The following DNAH5 variants were observed in gnomAD, a reference collection of about 807,000 sequenced individuals.
DNAH5 encodes the protein axonemal beta dynein heavy chain 5.
In DNAH5, 372 loss-of-function variants were observed where a neutral mutation model predicts 518.2. The ratio of observed to expected loss-of-function variants is 0.72; its 90% confidence interval spans 0.66 to 0.78. DNAH5 has a LOEUF of 0.78. DNAH5 is among the 30% of genes least tolerant of loss of function. The pLI, the probability that DNAH5 is intolerant of heterozygous loss-of-function variation, is 0.00. For missense variants in DNAH5, 5,523 were observed against 5,687.0 expected (o/e 0.97, Z 0.93); for synonymous variants, 2,039 against 2,025.9 (o/e 1.01, Z -0.17).
At chr5:13,719,190 A>T (rs1744717546) in intron 71 of DNAH5, 89 bp from the exon 72 acceptor site, 5 of 1,062,082 alleles carry the variant, frequency 4.7e-6, no homozygotes, top group Non-Finnish European at 7.1e-6. Flanking sequence ...AGTAATTAAA[A>T]TTTAATAGGA....
chr5:13,872,595 T>C (rs1437596720), intron 22 of DNAH5, among the ~76,000 whole-genome samples: 1 of 152,226 alleles, frequency 6.6e-6, no homozygotes, highest in African/African-American at 2.4e-5. Context: ...TAAATTTATT[T>C]GTAAATCAAC....
chr5:13,875,872 T>G (rs907383686), intron 22 of DNAH5, among the ~76,000 whole-genome samples: 1 of 152,196 alleles, frequency 6.6e-6, no homozygotes, highest in Non-Finnish European at 1.5e-5. Context: ...TAATAATATT[T>G]CCTCACATTG....
intron 3 of DNAH5, among the ~76,000 whole-genome samples, chr5:13,926,791 C>G (rs1280255850): frequency 6.6e-6 from 1 of 152,190 alleles, no homozygotes; most frequent in Non-Finnish European, 1.5e-5. Context: ...ACGCAGAAGG[C>G]CAGTTTCATC....
chr5:13,771,249 C>T (rs942707841), intron 55 of DNAH5: 1 of 456,728 alleles, frequency 2.2e-6, no homozygotes, highest in African/African-American at 2.0e-5. Context: ...CTCTTCTACA[C>T]AGCTGCAGGT....
At position 13,753,320 on chromosome 5, in the gene DNAH5, C is replaced by T. The variant is rs144055129; in HGVS notation, c.10785G>A (p.Thr3595=). Residue 3595 remains threonine, a synonymous_variant, in exon 63 of 79, where the codon ACG becomes ACA. Transcript: ENST00000265104. The part of the protein sequence containing the change: ...DLSIQNGIIV[T]KASRYPLLID... The stretch of plus-strand genomic sequence containing the variant: ...TTAACAAAGGGTAACGAGATGCCTT[C>T]GTGACAATAATTCCATTTTGAATGG... 9.3e-6 allele frequency: 15 copies of T among 1,613,746 alleles called. No individual in the cohort carries two copies. The African/African-American group carries it at 1.2e-4, about 13-fold the overall frequency.
intron 52 of DNAH5, among the ~76,000 whole-genome samples, chr5:13,785,430 G>A (rs896612321): frequency 6.6e-6 from 1 of 152,026 alleles, no homozygotes; most frequent in African/African-American, 2.4e-5. Flanking sequence ...CTTTCATGGT[G>A]GATTTCATTC....
intron 1 of DNAH5, among the ~76,000 whole-genome samples, chr5:13,978,015 C>T (rs1256584188): frequency 6.6e-6 from 1 of 152,194 alleles, no homozygotes; most frequent in South Asian, 2.1e-4. Context: ...CCATGGGGGA[C>T]TCTGTGAGAG....
At chr5:13,910,907 G>C (rs1367294867) in intron 12 of DNAH5, among the ~76,000 whole-genome samples, 1 of 152,200 alleles carries the variant, frequency 6.6e-6, no homozygotes, top group Non-Finnish European at 1.5e-5. Context: ...GTGAAAGAAG[G>C]AAGAGAAAGG....
intron 12 of DNAH5, among the ~76,000 whole-genome samples, chr5:13,907,474 A>G (rs1396807145): frequency 6.6e-6 from 1 of 152,174 alleles, no homozygotes; most frequent in East Asian, 1.9e-4. Flanking sequence ...AAGGGGGAAT[A>G]TGGTAATGAT....
chr5:13,968,871 A>G (rs372929633), intron 1 of DNAH5, among the ~76,000 whole-genome samples: 22 of 152,274 alleles, frequency 1.4e-4, no homozygotes, highest in African/African-American at 5.1e-4. Flanking sequence ...ATCTTTTGAA[A>G]TAGTGTCGAT....
chr5:13,751,160 C>CT lies in DNAH5; in HGVS notation c.11128_11129insA (p.Arg3710GlnfsTer6). ...GACAGTGAAGTCAATGATGGAGGTA[C>CT]GGGCACTTATCTCAGGGGTGTAGGC... On this transcript the variant is annotated frameshift_variant, in exon 65 of 79. Transcript: ENST00000265104. LOFTEE classifies it high-confidence loss of function. 6.2e-7 allele frequency: 1 copy of CT among 1,613,920 alleles called. No homozygotes were observed. The highest frequency in any genetic ancestry group is 8.5e-7 in the Non-Finnish European group (1 of 1,179,906).
In DNAH5 at chr5:13,802,691, A is replaced by C. The variant is rs544205335; in HGVS notation, c.7887+4900T>G. On this transcript the variant is annotated intron_variant, in intron 47 of 78. Transcript: ENST00000265104. ...CAGCTGAGGCGACGGTGCATTGCCT[A>C]GTTCTTAGGTACAACATTCACGCAA... is the stretch of plus-strand genomic sequence containing the variant. 6.6e-5 allele frequency among the ~76,000 whole-genome samples: 10 copies of C among 152,312 alleles called. No homozygotes were observed. The South Asian group carries it at 2.1e-3, about 32-fold the overall frequency.
chr5:13,806,528 C>T (rs574231098), intron 47 of DNAH5, among the ~76,000 whole-genome samples: 34 of 152,188 alleles, frequency 2.2e-4, no homozygotes, highest in Non-Finnish European at 3.8e-4. Flanking sequence ...ATTCCAACAG[C>T]TAAAGAACAA....
At chr5:13,731,894 G>A (rs1746609114) in intron 68 of DNAH5, among the ~76,000 whole-genome samples, 1 of 152,170 alleles carries the variant, frequency 6.6e-6, no homozygotes, top group South Asian at 2.1e-4. Context: ...AGGACTTTGG[G>A]AGGAAAAGGC....
intron 70 of DNAH5, among the ~76,000 whole-genome samples, chr5:13,725,990 G>A (rs1453404148): frequency 6.6e-6 from 1 of 152,144 alleles, no homozygotes; most frequent in Non-Finnish European, 1.5e-5. Context: ...TACCTCTCAG[G>A]AGACACACTC....
chr5:13,791,994 ATTTGGTTC>A lies in DNAH5; in HGVS notation c.8440_8447del (p.Glu2814Ter), dbSNP rs755136231. ...TTTTTCTTTCTTCAGTGTCACTTAC[ATTTGGTTC>A]CTTGATGACCTCTGAAGTAGTGTTC... On this transcript the variant is annotated frameshift_variant and splice_region_variant, in exon 50 of 79. Transcript: ENST00000265104. LOFTEE classifies it high-confidence loss of function. The A allele has an allele frequency of 1.7e-5, 27 of 1,612,068 alleles. No individual in the cohort carries two copies. The highest frequency in any genetic ancestry group is 2.1e-5 in the Non-Finnish European group (25 of 1,178,418).
chr5:13,719,891 T>TCA (rs1744812279), intron 71 of DNAH5, among the ~76,000 whole-genome samples: 1 of 152,162 alleles, frequency 6.6e-6, no homozygotes, highest in Admixed American at 6.5e-5. Flanking sequence ...GCCATATATT[T>TCA]TGCCTGAATT....
In DNAH5 at chr5:13,720,542, CCAGTT is replaced by C. The variant is rs145625592; in HGVS notation, c.12279+453_12279+457del. 6.8e-3 allele frequency among the ~76,000 whole-genome samples: 1,031 copies of C among 152,268 alleles called. 8 individuals carry two copies. The highest frequency in any genetic ancestry group is 0.024 in the African/African-American group (995 of 41,558). ...GGCCCACAGGCACAGGCCACCACGT[CCAGTT>C]AATTTTTTTTTGTAAAGATGGGGTC... is the stretch of plus-strand genomic sequence containing the variant. On this transcript the variant is annotated intron_variant, in intron 71 of 78. Coordinates refer to ENST00000265104, the MANE Select transcript of DNAH5 (RefSeq NM_001369.3).
At chr5:13,944,016 T>C (rs1347262332) in intron 1 of DNAH5, among the ~76,000 whole-genome samples, 1 of 152,212 alleles carries the variant, frequency 6.6e-6, no homozygotes, top group Admixed American at 6.5e-5. Flanking sequence ...CCTTGCAGCC[T>C]AGAATCTGCC....
Sources: allele counts gnomAD v4.1 joint callset (sites outside exome capture counted in the v4.1 genomes callset), GRCh38; gene constraint gnomAD v4.1.1; transcripts MANE v1.5; gene names NCBI Gene and HGNC (gene_info 2026-07-23, HGNC 2026-07-21).